Variants in SART3 observed in about 807,000 individuals in gnomAD.
The protein encoded by SART3 is HIV-1 Tat-interacting protein of 110kDa.
SART3 carries 44 observed loss-of-function variants against 122.3 expected under a neutral mutation model. The ratio of observed to expected loss-of-function variants is 0.36; its 90% CI spans 0.28 to 0.46. The LOEUF is 0.46. Among genes scored for constraint, SART3 ranks in the 20% least tolerant of loss-of-function variants. The probability of loss-of-function intolerance (pLI) is 1.00; values close to 1 mark genes in which losing one functional copy is unlikely to be tolerated. For synonymous variants in SART3, 442 were observed against 454.0 expected (o/e 0.97, Z 0.34); for missense variants, 1,101 against 1,229.0 (o/e 0.90, Z 1.56).
intron 3 of SART3, 33 bp downstream of exon 3, chr12:108,547,854 C>G: frequency 6.7e-7 from 1 of 1,488,484 alleles, no homozygotes; most frequent in Non-Finnish European, 9.4e-7. Context: ...TATGACATTG[C>G]CAGATATCCA....
chr12:108,527,280 G>A (rs1006615134), intron 15 of SART3, among the ~76,000 whole-genome samples: 1 of 152,116 alleles, frequency 6.6e-6, no homozygotes, highest in Admixed American at 6.5e-5. Context: ...CCTCTCTAAT[G>A]CATCTGAGTT....
chr12:108,538,280 C>T, intron 7 of SART3, 77 bp from the exon 8 acceptor site: 1 of 1,494,596 alleles, frequency 6.7e-7, no homozygotes, highest in Non-Finnish European at 9.3e-7. Context: ...GCCAGCACGA[C>T]CAAGTGATGA....
intron 1 of SART3, chr12:108,560,218 T>TA (rs2030441243): frequency 6.6e-6 from 1 of 152,610 alleles, no homozygotes; most frequent in African/African-American, 2.4e-5. Flanking sequence ...GAGCTATAGT[T>TA]ACTGTTACAA....
At chr12:108,541,861 G>T (rs762648072) in intron 6 of SART3, among the ~76,000 whole-genome samples, 16 of 151,860 alleles carry the variant, frequency 1.1e-4, no homozygotes, top group Non-Finnish European at 2.1e-4. Flanking sequence ...AAGAAATAGG[G>T]TTTTGCTTTG....
intron 1 of SART3, among the ~76,000 whole-genome samples, chr12:108,553,230 T>C (rs970725944): frequency 6.6e-6 from 1 of 152,084 alleles, no homozygotes; most frequent in African/African-American, 2.4e-5. Flanking sequence ...CACAAAATGT[T>C]AGGACAAGAG....
Position 108,526,372 on chromosome 12 carries a change from G to A in SART3, c.2097C>T (p.Ser699=). Residue 699 remains serine (S), a synonymous_variant, in exon 16 of 19, where the codon AGC becomes AGT. Transcript: ENST00000546815. ...KRDMPKVLHD[S]SKDSITVFVS... is the part of the protein sequence containing the mutation. ...CAAAGACGGTGATGCTGTCCTTGCT[G>A]CTGTCGTGCAGCACCTTGGGCATGT... 1 of 1,613,894 alleles carries A rather than the reference G, an allele frequency of 6.2e-7. No homozygotes were observed. Among genetic ancestry groups the A allele is most frequent in the Non-Finnish European group, 8.5e-7 (1 of 1,179,778 alleles).
Position 108,536,832 on chromosome 12 carries a change from C to T in SART3, c.1310-47G>A, listed in dbSNP as rs1481613221. ...GGCTTTAGGAAACCACATAGCCTGG[C>T]TTTGTTTTATTTTTTATCCTATGCT... On this transcript the variant is annotated intron_variant, in intron 9 of 18. Transcript: ENST00000546815. The T allele has an allele frequency of 3.9e-6, 6 of 1,553,222 alleles. No homozygotes were observed. In the African/African-American group the frequency reaches 6.8e-5, roughly 18 times the overall value.
chr12:108,552,353 A>AT (rs1010797559), intron 1 of SART3, among the ~76,000 whole-genome samples: 1 of 152,084 alleles, frequency 6.6e-6, no homozygotes, highest in African/African-American at 2.4e-5. Context: ...ACAAAGTCCT[A>AT]TAAGTTCTAG....
chr12:108,534,182 T>A (rs1872800244), intron 12 of SART3, among the ~76,000 whole-genome samples: 1 of 152,172 alleles, frequency 6.6e-6, no homozygotes, highest in Non-Finnish European at 1.5e-5. Flanking sequence ...TTTGTTATAT[T>A]TAAATAAATT....
Position 108,524,324 on chromosome 12 carries a change from T to C in SART3, c.2706A>G (p.Thr902=). Residue 902 remains threonine, a synonymous_variant, in exon 18 of 19, where the codon ACA becomes ACG. Transcript: ENST00000546815. ...ACCATGCAAGCACTTACGCTCCGTA[T>C]GTCTGCGGCAAAAGCATGGGGCCAC... ...APGGPMLLPQ[T]YGARGKGRTQ... The C allele has an allele frequency of 6.2e-7, 1 of 1,613,872 alleles. No homozygotes were observed. The highest frequency in any genetic ancestry group is 8.5e-7 in the Non-Finnish European group (1 of 1,179,914).
Position 108,523,526 on chromosome 12 carries a change from G to A in SART3, c.2823C>T (p.Ala941=), listed in dbSNP as rs745801199. The A allele has an allele frequency of 1.6e-5, 26 of 1,613,536 alleles. No individual in the cohort carries two copies. Among genetic ancestry groups the A allele is most frequent in the South Asian group, 1.5e-4 (14 of 91,052 alleles). Residue 941 remains alanine, a synonymous_variant, in exon 19 of 19, where the codon GCC becomes GCT. Transcript: ENST00000546815. ...TGGGTGCCTCGGTGGCTGCTGGGGC[G>A]GCAACTGCAGGAGCCGCGGCAGGGC... ...ENGPAAAPAV[A]APAATEAPKM... is the part of the protein sequence containing the mutation.
At chr12:108,530,652 C>G (rs1423894527) in intron 14 of SART3, among the ~76,000 whole-genome samples, 1 of 152,012 alleles carries the variant, frequency 6.6e-6, no homozygotes, top group African/African-American at 2.4e-5. Flanking sequence ...GTCAGGAGAT[C>G]GAGACCATCC....
chr12:108,549,017 A>T, intron 2 of SART3, 71 bp downstream of exon 2: 2 of 1,607,540 alleles, frequency 1.2e-6, no homozygotes, highest in Non-Finnish European at 1.7e-6. Flanking sequence ...AGCATGTCCC[A>T]CTTTCAACAT....
At chr12:108,541,868 T>C (rs796563893) in intron 6 of SART3, among the ~76,000 whole-genome samples, 10 of 152,146 alleles carry the variant, frequency 6.6e-5, no homozygotes, top group African/African-American at 2.2e-4. Flanking sequence ...AGGGTTTTGC[T>C]TTGTCACTTA....
At position 108,536,805 on chromosome 12, in the gene SART3, A is replaced by T; in HGVS notation, c.1310-20T>A. 1 of 1,611,988 alleles carries T rather than the reference A, an allele frequency of 6.2e-7. No homozygotes were observed. The highest frequency in any genetic ancestry group is 8.5e-7 in the Non-Finnish European group (1 of 1,178,652). On this transcript the variant is annotated intron_variant, in intron 9 of 18. Transcript: ENST00000546815. ...TGGAGTCTAACGGAAAGTGCAAAAA[A>T]AGGCTTTAGGAAACCACATAGCCTG...
intron 1 of SART3, among the ~76,000 whole-genome samples, chr12:108,551,595 G>A (rs532763563): frequency 2.0e-5 from 3 of 151,842 alleles, no homozygotes; most frequent in Admixed American, 6.6e-5. Flanking sequence ...ACTCAATAAC[G>A]CCGTCAACGA....
intron 1 of SART3, among the ~76,000 whole-genome samples, chr12:108,551,912 T>C (rs2030024130): frequency 6.6e-6 from 1 of 152,050 alleles, no homozygotes; most frequent in Admixed American, 6.5e-5. Context: ...AAAATGAAAT[T>C]GCAACAAATC....
chr12:108,541,417 A>C (rs1249576823), intron 6 of SART3, among the ~76,000 whole-genome samples: 1 of 152,162 alleles, frequency 6.6e-6, no homozygotes, highest in Admixed American at 6.5e-5. Flanking sequence ...AAAAAAAAAG[A>C]AGTGAAAAGA....
intron 7 of SART3, 75 bp from the exon 8 acceptor site, chr12:108,538,278 G>T: frequency 6.7e-7 from 1 of 1,503,126 alleles, no homozygotes; most frequent in South Asian, 1.1e-5. Flanking sequence ...TTGCCAGCAC[G>T]ACCAAGTGAT....
Sources: gnomAD v4.1 joint callset for allele counts (sites outside exome capture counted in the v4.1 genomes callset) on GRCh38, gnomAD v4.1.1 for gene constraint, MANE v1.5 for transcripts, NCBI Gene and HGNC (gene_info 2026-07-23, HGNC 2026-07-21) for gene names.